The following SLC35F3 variants were observed in gnomAD, a reference collection of about 807,000 sequenced individuals.
The protein encoded by SLC35F3 is putative thiamine transporter SLC35F3.
A neutral mutation model predicts 49.9 loss-of-function variants in SLC35F3; 25 were observed. That is an observed-to-expected ratio of 0.50 (90% confidence interval 0.37 to 0.70). The LOEUF (loss-of-function observed/expected upper bound fraction) is 0.70, where lower values mean the gene tolerates loss of function less well. Among genes scored for constraint, SLC35F3 ranks in the 30% least tolerant of loss-of-function variants. The pLI, the probability that SLC35F3 is intolerant of heterozygous loss-of-function variation, is 0.00. For synonymous variants in SLC35F3, 275 were observed against 265.4 expected, an observed-to-expected ratio of 1.04 and a Z score of -0.35; for missense variants, 525 against 639.8, an observed-to-expected ratio of 0.82 and a Z score of 1.94.
intron 2 of SLC35F3, among the ~76,000 whole-genome samples, chr1:234,141,352 TG>T: frequency 6.6e-6 from 1 of 152,296 alleles, no homozygotes; most frequent in Non-Finnish European, 1.5e-5. Context: ...TCACAGGTCC[TG>T]CATGGTGAAC....
chr1:234,204,412 CATT>C (rs1296166927), intron 2 of SLC35F3, among the ~76,000 whole-genome samples: 2 of 152,248 alleles, frequency 1.3e-5, no homozygotes, highest in East Asian at 1.9e-4. Flanking sequence ...CAAGCTACAA[CATT>C]ATTATCTTGT....
chr1:234,288,718 T>A lies in SLC35F3; in HGVS notation c.609-20383T>A, dbSNP rs575778150. Among the ~76,000 whole-genome samples, 389 of 152,320 alleles carry A rather than the reference T, an allele frequency of 2.6e-3. 1 individual carries two copies. The highest frequency in any genetic ancestry group is 8.5e-3 in the African/African-American group (355 of 41,568). On this transcript the variant is annotated intron_variant, in intron 3 of 7. Transcript: ENST00000366618. ...ACAAAGTTGCTATTCAAATGTCCAT[T>A]TTCCTGATAAGGAAACTAAGGATCC...
intron 3 of SLC35F3, among the ~76,000 whole-genome samples, chr1:234,262,883 G>A (rs1338374372): frequency 3.9e-5 from 6 of 152,224 alleles, no homozygotes; most frequent in Non-Finnish European, 8.8e-5. Context: ...ACACAGAGCT[G>A]AGTCTCTATT....
At chr1:234,273,039 A>G (rs1014332680) in intron 3 of SLC35F3, among the ~76,000 whole-genome samples, 20 of 151,672 alleles carry the variant, frequency 1.3e-4, no homozygotes, top group Admixed American at 1.3e-4. Context: ...CTTTTCTGTC[A>G]CCTTTTCCTT....
At chr1:234,132,352 C>T (rs1372767574) in intron 2 of SLC35F3, among the ~76,000 whole-genome samples, 1 of 152,178 alleles carries the variant, frequency 6.6e-6, no homozygotes, top group African/African-American at 2.4e-5. Context: ...AAGCAATGTA[C>T]AATAAGCACT....
chr1:234,250,583 G>T (rs1189766070), intron 3 of SLC35F3, among the ~76,000 whole-genome samples: 1 of 150,542 alleles, frequency 6.6e-6, no homozygotes, highest in African/African-American at 2.4e-5. Flanking sequence ...GAACCCGGGA[G>T]GCGGAGCTTG....
intron 5 of SLC35F3, among the ~76,000 whole-genome samples, chr1:234,317,538 A>G (rs781401650): frequency 6.6e-6 from 1 of 152,228 alleles, no homozygotes; most frequent in Non-Finnish European, 1.5e-5. Flanking sequence ...GGATCCAGAC[A>G]ATAGGACTGA....
At chr1:233,973,343 C>A (rs1181930069) in intron 2 of SLC35F3, among the ~76,000 whole-genome samples, 2 of 152,152 alleles carry the variant, frequency 1.3e-5, no homozygotes, top group East Asian at 1.9e-4. Context: ...CGGGTCATTT[C>A]AAGTAGGGGT....
At chr1:234,182,534 T>C (rs1666574427) in intron 2 of SLC35F3, among the ~76,000 whole-genome samples, 1 of 152,244 alleles carries the variant, frequency 6.6e-6, no homozygotes, top group Non-Finnish European at 1.5e-5. Context: ...CTGCATGTAA[T>C]ACATATCCTG....
intron 2 of SLC35F3, among the ~76,000 whole-genome samples, chr1:234,183,609 T>C (rs760958382): frequency 1.4e-5 from 2 of 142,934 alleles, no homozygotes; most frequent in African/African-American, 2.4e-5. Flanking sequence ...CGATACTGTG[T>C]CGCTGGCCTG....
chr1:234,176,416 A>C (rs765111896), intron 2 of SLC35F3, among the ~76,000 whole-genome samples: 3 of 152,220 alleles, frequency 2.0e-5, no homozygotes, highest in Non-Finnish European at 2.9e-5. Context: ...GATGCTGTGA[A>C]GGGACTCAGC....
intron 2 of SLC35F3, among the ~76,000 whole-genome samples, chr1:234,162,591 C>T (rs1241403468): frequency 1.3e-5 from 2 of 151,794 alleles, no homozygotes; most frequent in Non-Finnish European, 2.9e-5. Flanking sequence ...CTCACCTCTG[C>T]TCTCCCCAGC....
chr1:233,979,254 G>A (rs754430817), intron 2 of SLC35F3, among the ~76,000 whole-genome samples: 19 of 152,110 alleles, frequency 1.2e-4, no homozygotes, highest in Admixed American at 5.9e-4. Flanking sequence ...TGTAAAATGG[G>A]AGAGCTGGTT....
In SLC35F3 at chr1:234,002,155, A is replaced by G. The variant is rs750719859; in HGVS notation, c.283+96397A>G. Among the ~76,000 whole-genome samples the G allele has an allele frequency of 8.1e-4, 124 of 152,290 alleles. 1 individual carries two copies. Among genetic ancestry groups the G allele is most frequent in the Non-Finnish European group, 1.4e-3 (93 of 68,016 alleles). On this transcript the variant is annotated intron_variant, in intron 2 of 7. Transcript: ENST00000366618. ...TATGATACTTTTGGATTTACAGATC[A>G]ATTGTGAAGATAGTACAGAGAGTTC...
Position 233,945,986 on chromosome 1 carries a change from G to C in SLC35F3, c.283+40228G>C, listed in dbSNP as rs141332073. Among the ~76,000 whole-genome samples, 209 of 152,342 alleles carry C rather than the reference G, an allele frequency of 1.4e-3. 1 individual carries two copies. The highest frequency in any genetic ancestry group is 2.3e-3 in the Non-Finnish European group (154 of 68,036). On this transcript the variant is annotated intron_variant, in intron 2 of 7. Transcript: ENST00000366618. ...GGGCCAAACTATGATAACTTTTAAA[G>C]TGGAAGATAGACTTTCAGAACTTCT...
intron 2 of SLC35F3, among the ~76,000 whole-genome samples, chr1:234,006,011 T>C (rs1375077894): frequency 6.6e-6 from 1 of 152,184 alleles, no homozygotes; most frequent in East Asian, 1.9e-4. Context: ...CCTACTGATA[T>C]ATTCCAGGAT....
intron 4 of SLC35F3, among the ~76,000 whole-genome samples, chr1:234,314,880 T>C (rs1253645639): frequency 6.6e-6 from 1 of 152,234 alleles, no homozygotes; most frequent in East Asian, 1.9e-4. Flanking sequence ...AGTCCTCTGA[T>C]GCCTGCCCGG....
At chr1:234,296,421 G>C (rs1002756529) in intron 3 of SLC35F3, among the ~76,000 whole-genome samples, 4 of 152,276 alleles carry the variant, frequency 2.6e-5, no homozygotes, top group Admixed American at 2.6e-4. Context: ...GGACTCTTTA[G>C]AATAGGAAGA....
intron 3 of SLC35F3, among the ~76,000 whole-genome samples, chr1:234,257,593 A>G (rs1236474098): frequency 6.6e-6 from 1 of 152,258 alleles, no homozygotes; most frequent in Non-Finnish European, 1.5e-5. Flanking sequence ...AAGTACTTCT[A>G]TATTGCATTA....
Sources: gnomAD v4.1 joint callset for allele counts (sites outside exome capture counted in the v4.1 genomes callset) on GRCh38, gnomAD v4.1.1 for gene constraint, MANE v1.5 for transcripts, NCBI Gene and HGNC (gene_info 2026-07-23, HGNC 2026-07-21) for gene names.